Variants in UBR3 observed in about 807,000 individuals in gnomAD.
UBR3 encodes the protein ubiquitin protein ligase E3 component n-recognin 3, also known as E3 ubiquitin-protein ligase UBR3.
A neutral mutation model predicts 243.2 loss-of-function variants in UBR3; 85 were observed. The ratio of observed to expected loss-of-function variants is 0.35; its 90% confidence interval spans 0.29 to 0.42. The LOEUF (loss-of-function observed/expected upper bound fraction) is 0.42, where lower values mean the gene tolerates loss of function less well. Among genes scored for constraint, UBR3 ranks in the 10% least tolerant of loss-of-function variants. UBR3 has a pLI of 1.00. For synonymous variants in UBR3, 748 were observed against 799.8 expected (o/e 0.94, Z 1.09); for missense variants, 1,686 against 2,300.8 (o/e 0.73, Z 5.47).
rs181088961 is a variant in UBR3, at chr2:170,068,385, T to C, written c.5020-5043T>C. ...CAGGAGGCTGAGGCAGGAGAATCACTTGAACTTTGGAGGCAGAAGTTGCAG... is the reference window on the plus strand; with the variant it reads ...CAGGAGGCTGAGGCAGGAGAATCACCTGAACTTTGGAGGCAGAAGTTGCAG... On this transcript the variant is annotated intron_variant, in intron 35 of 38. Transcript: ENST00000272793. Among the ~76,000 whole-genome samples the C allele has an allele frequency of 4.6e-5, 7 of 152,180 alleles. No individual in the cohort carries two copies. The East Asian group carries it at 1.4e-3, about 30-fold the overall frequency.
At chr2:169,828,577 G>A (rs1173567147) in intron 1 of UBR3, among the ~76,000 whole-genome samples, 1 of 152,010 alleles carries the variant, frequency 6.6e-6, no homozygotes. Context: ...CTGCCAGTGT[G>A]TCTGTCACTG....
chr2:169,836,025 CTCTCTCTCTCTCTCTCTCTATATATATA>C (rs1296579666), intron 1 of UBR3, among the ~76,000 whole-genome samples: 4 of 30,682 alleles, frequency 1.3e-4, no homozygotes, highest in African/African-American at 4.8e-4. Context: ...CTCTCTCTCT[CTCTCTCTCTCTCTCTCTCTATATATATA>C]TATATATATA....
intron 33 of UBR3, among the ~76,000 whole-genome samples, chr2:170,057,067 G>A (rs557479242): frequency 6.6e-6 from 1 of 151,008 alleles, no homozygotes; most frequent in Non-Finnish European, 1.5e-5. Context: ...CCCCCTTGTT[G>A]CTGGTTAATT....
At chr2:169,891,522 G>A (rs1188675166) in intron 6 of UBR3, among the ~76,000 whole-genome samples, 1 of 151,780 alleles carries the variant, frequency 6.6e-6, no homozygotes, top group Non-Finnish European at 1.5e-5. Context: ...GTGTGAATTT[G>A]TAGTTTGGCC....
chr2:169,880,237 G>A (rs572896147), intron 5 of UBR3, among the ~76,000 whole-genome samples: 6 of 152,264 alleles, frequency 3.9e-5, no homozygotes, highest in African/African-American at 1.2e-4. Context: ...TCATTGTTCA[G>A]AGCACTTTAT....
At chr2:169,906,225 G>T in intron 10 of UBR3, 61 bp downstream of exon 10, 2 of 1,495,248 alleles carry the variant, frequency 1.3e-6, no homozygotes, top group East Asian at 2.5e-5. Context: ...GAAAATATTG[G>T]TTTGTTCATT....
intron 30 of UBR3, among the ~76,000 whole-genome samples, chr2:170,028,671 A>G (rs1376981488): frequency 7.8e-6 from 1 of 127,500 alleles, no homozygotes; most frequent in Non-Finnish European, 1.7e-5. Flanking sequence ...TGCATCAGAT[A>G]CAAAAGCAAT....
chr2:170,033,343 T>C (rs886556422), intron 31 of UBR3, among the ~76,000 whole-genome samples: 6 of 151,976 alleles, frequency 3.9e-5, no homozygotes, highest in Non-Finnish European at 5.9e-5. Context: ...TAATCGTCAA[T>C]AATAACTCTA....
intron 14 of UBR3, 116 bp from the exon 15 acceptor site, chr2:169,926,576 C>G: frequency 1.9e-6 from 2 of 1,080,446 alleles, no homozygotes; most frequent in Non-Finnish European, 2.6e-6. Flanking sequence ...GAGTGAGACT[C>G]TGTCTCAAAA....
rs566876594 is a variant in UBR3, at chr2:169,850,902, A to C, written c.546-21334A>C. On this transcript the variant is annotated intron_variant, in intron 1 of 38. Transcript: ENST00000272793. ...AGTAGGAAGTGGAGAACAGGGAGAC[A>C]TGGAGAAAAGAGAAAAACATAATAA... Among the ~76,000 whole-genome samples, 26 of 152,286 alleles carry C rather than the reference A, an allele frequency of 1.7e-4. No individual in the cohort carries two copies. The South Asian group carries it at 5.4e-3, about 32-fold the overall frequency.
intron 10 of UBR3, among the ~76,000 whole-genome samples, chr2:169,907,036 CTTTTTTTTT>C (rs36078695): frequency 8.9e-6 from 1 of 112,360 alleles, no homozygotes; most frequent in Non-Finnish European, 1.8e-5. Context: ...AAATTTCTTT[CTTTTTTTTT>C]TTTTTTTTTT....
intron 24 of UBR3, chr2:169,964,501 A>G: frequency 2.2e-6 from 1 of 462,080 alleles, no homozygotes; most frequent in South Asian, 1.6e-5. Context: ...CCTCTGAGGA[A>G]ACTGGAGGGA....
At chr2:169,888,432 C>T (rs2084199157) in intron 5 of UBR3, among the ~76,000 whole-genome samples, 1 of 152,154 alleles carries the variant, frequency 6.6e-6, no homozygotes, top group African/African-American at 2.4e-5. Context: ...AGCCACCGCG[C>T]CTCGTCCTGT....
intron 37 of UBR3, 26 bp downstream of exon 37, chr2:170,080,049 T>G: frequency 6.3e-7 from 1 of 1,588,078 alleles, no homozygotes. Context: ...TAATACAAAA[T>G]TTATGAAAAC....
At chr2:169,984,181 C>T (rs1407717330) in intron 24 of UBR3, among the ~76,000 whole-genome samples, 4 of 151,858 alleles carry the variant, frequency 2.6e-5, no homozygotes, top group South Asian at 2.1e-4. Flanking sequence ...CATTAAGTAC[C>T]TTTATTATAA....
intron 30 of UBR3, chr2:170,016,932 TTC>T (rs2090252765): frequency 1.4e-6 from 1 of 695,056 alleles, no homozygotes; most frequent in African/African-American, 2.0e-5. Context: ...AAGTTAATAT[TTC>T]TTAGTTTTTG....
intron 32 of UBR3, among the ~76,000 whole-genome samples, chr2:170,052,616 T>C (rs1234896304): frequency 6.6e-6 from 1 of 152,220 alleles, no homozygotes; most frequent in Non-Finnish European, 1.5e-5. Context: ...TACTGCATGA[T>C]CTCACTTATA....
Position 169,878,090 on chromosome 2 carries a change from A to C in UBR3, c.989-435A>C, listed in dbSNP as rs139954297. Among the ~76,000 whole-genome samples, 20 of 152,316 alleles carry C rather than the reference A, an allele frequency of 1.3e-4. No homozygotes were observed. In the East Asian group the frequency reaches 3.9e-3, roughly 29 times the overall value. On this transcript the variant is annotated intron_variant, in intron 4 of 38. Coordinates refer to ENST00000272793, the MANE Select transcript of UBR3 (RefSeq NM_172070.4). ...GATAAATGTTGGAGGCTGGGCACGG[A>C]GGCTTATGCCTATAAATCCCAGCAG...
rs114753022 is a variant in UBR3, at chr2:169,994,366, G to A, written c.3828G>A (p.Pro1276=). 1.1e-5 allele frequency: 17 copies of A among 1,614,064 alleles called. No individual in the cohort carries two copies. Among genetic ancestry groups the A allele is most frequent in the Non-Finnish European group, 1.4e-5 (17 of 1,180,010 alleles). The stretch of plus-strand genomic sequence containing the variant: ...ACAATGTTGAGCCAAAAAAGTTGCC[G>A]ATCAGTGAAGAGGAGCAGATTTACC... The part of the protein sequence containing the change: ...CRDNVEPKKL[P]ISEEEQIYPW... The change falls in exon 26 of 39, where the codon CCG becomes CCA. Residue 1276 remains proline (P), a synonymous_variant. Coordinates refer to ENST00000272793, the MANE Select transcript of UBR3 (RefSeq NM_172070.4).
Sources: gnomAD v4.1 joint callset for allele counts (sites outside exome capture counted in the v4.1 genomes callset) on GRCh38, gnomAD v4.1.1 for gene constraint, MANE v1.5 for transcripts, NCBI Gene and HGNC (gene_info 2026-07-23, HGNC 2026-07-21) for gene names.